Variants in FHOD3 observed in about 807,000 individuals in gnomAD.
FHOD3 encodes formin homology 2 domain containing 3.
FHOD3 carries 90 observed loss-of-function variants against 173.0 expected under a neutral mutation model. That is an observed-to-expected ratio of 0.52 (90% confidence interval 0.44 to 0.62). The LOEUF is 0.62. Ranked by LOEUF, FHOD3 falls within the 20% of genes least tolerant of loss-of-function variation. The pLI is 0.00. For missense variants in FHOD3, 1,945 were observed against 2,034.7 expected, an observed-to-expected ratio of 0.96 and a Z score of 0.85; for synonymous variants, 828 against 823.0, an observed-to-expected ratio of 1.01 and a Z score of -0.10.
intron 5 of FHOD3, among the ~76,000 whole-genome samples, chr18:36,532,003 C>T (rs1359974005): frequency 6.6e-6 from 1 of 152,242 alleles, no homozygotes; most frequent in Non-Finnish European, 1.5e-5. Context: ...TTTCCCTCTG[C>T]TCTCCTGCCT....
intron 16 of FHOD3, among the ~76,000 whole-genome samples, chr18:36,689,577 G>A (rs1306632571): frequency 6.6e-6 from 1 of 152,178 alleles, no homozygotes; most frequent in African/African-American, 2.4e-5. Context: ...ATCCTTTTAA[G>A]TATTAGAAGA....
chr18:36,641,333 A>G (rs533191305), intron 10 of FHOD3, among the ~76,000 whole-genome samples: 8 of 152,346 alleles, frequency 5.3e-5, no homozygotes, highest in African/African-American at 1.9e-4. Flanking sequence ...TCACGAAGGG[A>G]AAGTGGAAGA....
intron 3 of FHOD3, among the ~76,000 whole-genome samples, chr18:36,469,043 T>A (rs918640980): frequency 7.0e-4 from 107 of 152,294 alleles, no homozygotes; most frequent in African/African-American, 2.4e-3. Flanking sequence ...AACTGAGTAA[T>A]ACAAGTCTTG....
chr18:36,473,893 C>CT (rs2053419587), intron 3 of FHOD3, among the ~76,000 whole-genome samples: 1 of 152,210 alleles, frequency 6.6e-6, no homozygotes, highest in East Asian at 1.9e-4. Context: ...CCTGAACACA[C>CT]TTTTTGGGAA....
intron 5 of FHOD3, among the ~76,000 whole-genome samples, chr18:36,571,187 G>A (rs1396684500): frequency 6.6e-6 from 1 of 152,030 alleles, no homozygotes; most frequent in Non-Finnish European, 1.5e-5. Flanking sequence ...AGGATATAAG[G>A]CCAATATACA....
rs1479346636 is a variant in FHOD3, at chr18:36,584,628, ATTCAGT to A, written c.606+8085_606+8090del. On this transcript the variant is annotated intron_variant, in intron 6 of 28. Coordinates refer to ENST00000590592, the MANE Select transcript of FHOD3 (RefSeq NM_001281740.3). ...TTCAATTAAGACTAATTTTTTTATA[ATTCAGT>A]TAATGATTACAGATTAAAGAAAAAA... Among the ~76,000 whole-genome samples, 4 of 152,176 alleles carry A rather than the reference ATTCAGT, an allele frequency of 2.6e-5. No individual in the cohort carries two copies. In the East Asian group the frequency reaches 7.7e-4, roughly 29 times the overall value.
intron 3 of FHOD3, among the ~76,000 whole-genome samples, chr18:36,385,985 A>G (rs1051662934): frequency 2.6e-5 from 4 of 152,346 alleles, no homozygotes; most frequent in East Asian, 3.9e-4. Context: ...AGTTATATCT[A>G]TAATAACTTT....
intron 17 of FHOD3, among the ~76,000 whole-genome samples, chr18:36,698,804 G>A (rs375799765): frequency 5.9e-5 from 9 of 152,198 alleles, no homozygotes; most frequent in African/African-American, 1.7e-4. Context: ...GCAATAGCCA[G>A]AATATCAACA....
At chr18:36,603,444 G>C (rs947457466) in intron 8 of FHOD3, among the ~76,000 whole-genome samples, 13 of 151,846 alleles carry the variant, frequency 8.6e-5, no homozygotes, top group Non-Finnish European at 1.8e-4. Context: ...AAGTGACAGT[G>C]AGAATTTTAT....
chr18:36,664,445 TC>T (rs1302636150), intron 14 of FHOD3, among the ~76,000 whole-genome samples: 2 of 152,114 alleles, frequency 1.3e-5, no homozygotes, highest in African/African-American at 2.4e-5. Flanking sequence ...CTAAATGTGG[TC>T]CTTATTAATT....
At chr18:36,612,794 C>A (rs1224127822) in intron 9 of FHOD3, among the ~76,000 whole-genome samples, 2 of 152,170 alleles carry the variant, frequency 1.3e-5, no homozygotes, top group Non-Finnish European at 2.9e-5. Context: ...TTTTGTAGCT[C>A]CCATATGCAC....
intron 5 of FHOD3, among the ~76,000 whole-genome samples, chr18:36,556,108 A>C (rs1476501238): frequency 1.3e-5 from 2 of 152,076 alleles, no homozygotes; most frequent in African/African-American, 4.8e-5. Flanking sequence ...GTACTTTGTT[A>C]CATTTTCCTC....
intron 1 of FHOD3, among the ~76,000 whole-genome samples, chr18:36,307,033 G>A (rs1044631740): frequency 1.3e-5 from 2 of 152,078 alleles, no homozygotes; most frequent in Admixed American, 1.3e-4. Flanking sequence ...GCACAGTCTC[G>A]GTTCACTGCA....
chr18:36,410,267 C>T (rs1278818577), intron 3 of FHOD3, among the ~76,000 whole-genome samples: 1 of 152,130 alleles, frequency 6.6e-6, no homozygotes, highest in Non-Finnish European at 1.5e-5. Flanking sequence ...TCATATATAG[C>T]CTTTTGTGTC....
chr18:36,576,600 C>CT, intron 6 of FHOD3, 55 bp downstream of exon 6: 1 of 1,384,348 alleles, frequency 7.2e-7, no homozygotes, highest in Non-Finnish European at 1.0e-6. Context: ...ACTTGCCTTT[C>CT]TTTTTTCTCT....
intron 3 of FHOD3, among the ~76,000 whole-genome samples, chr18:36,408,627 A>G (rs2049186738): frequency 6.6e-6 from 1 of 152,274 alleles, no homozygotes; most frequent in South Asian, 2.1e-4. Flanking sequence ...TACCCAGGAC[A>G]TAGTGCCAGT....
chr18:36,530,391 A>G (rs1318693018), intron 5 of FHOD3, among the ~76,000 whole-genome samples: 4 of 151,826 alleles, frequency 2.6e-5, no homozygotes, highest in Admixed American at 6.6e-5. Flanking sequence ...TTTTCTCTCT[A>G]CCCCCACTAG....
chr18:36,434,346 G>A (rs930636893), intron 3 of FHOD3, among the ~76,000 whole-genome samples: 4 of 152,156 alleles, frequency 2.6e-5, no homozygotes, highest in South Asian at 2.1e-4. Context: ...ATATTGGCAC[G>A]TAGGTTGAAA....
intron 17 of FHOD3, among the ~76,000 whole-genome samples, chr18:36,708,474 C>G (rs1004117263): frequency 1.3e-5 from 2 of 152,208 alleles, no homozygotes; most frequent in African/African-American, 4.8e-5. Flanking sequence ...TTGGAAACAA[C>G]ACTCGTTTAT....
Sources: gnomAD v4.1 joint callset for allele counts (sites outside exome capture counted in the v4.1 genomes callset) on GRCh38, gnomAD v4.1.1 for gene constraint, MANE v1.5 for transcripts, NCBI Gene and HGNC (gene_info 2026-07-23, HGNC 2026-07-21) for gene names.